Variants in RBMS1 observed in about 807,000 individuals in gnomAD.
RBMS1 encodes the protein RNA binding motif single stranded interacting protein 1.
RBMS1 carries 17 observed loss-of-function variants against 62.3 expected under a neutral mutation model. The ratio of observed to expected loss-of-function variants is 0.27; its 90% CI spans 0.19 to 0.41. The LOEUF (loss-of-function observed/expected upper bound fraction) is 0.41. Ranked by LOEUF, RBMS1 falls within the 10% of genes least tolerant of loss-of-function variation. RBMS1 has a pLI of 1.00. For missense variants in RBMS1, 334 were observed against 504.5 expected, an observed-to-expected ratio of 0.66 and a Z score of 3.24; for synonymous variants, 172 against 170.0, an observed-to-expected ratio of 1.01 and a Z score of -0.09.
rs138281686 is a variant in RBMS1 at position 160,395,612 on chromosome 2, A to C, written c.76-28221T>G. 5.4e-3 allele frequency among the ~76,000 whole-genome samples: 780 copies of C among 144,082 alleles called. 4 individuals are homozygous for C. The highest frequency in any genetic ancestry group is 0.014 in the Middle Eastern group (4 of 278). The allele number at this position is 144,082 out of a possible 152,430, so 94.5% of individuals were successfully genotyped here. A position where few individuals can be genotyped will look rare whatever the true frequency, so the allele number is the denominator to read the frequency against. On this transcript the variant is annotated intron_variant, in intron 1 of 13. Transcript: ENST00000348849. ...GCACTCCAGCCTGGGTGACACAGCG[A>C]GACTCCGTCTCAAAAAAAAAAAAAA...
chr2:160,396,327 TAGAG>T (rs1455883713), intron 1 of RBMS1, among the ~76,000 whole-genome samples: 2 of 152,208 alleles, frequency 1.3e-5, no homozygotes, highest in East Asian at 1.9e-4. Flanking sequence ...CAACAGTAGT[TAGAG>T]GGAGGTGTAA....
At chr2:160,278,458 T>C (rs188687883) in intron 11 of RBMS1, 90 bp downstream of exon 11, 70 of 1,032,202 alleles carry the variant, frequency 6.8e-5, no homozygotes, top group Non-Finnish European at 9.7e-5. Flanking sequence ...TCTGTTATCA[T>C]AGAGGCTGTC....
chr2:160,454,214 TTAAAC>T (rs1336198621), intron 1 of RBMS1, among the ~76,000 whole-genome samples: 4 of 152,236 alleles, frequency 2.6e-5, no homozygotes, highest in Non-Finnish European at 4.4e-5. Flanking sequence ...GGTAGACTGT[TTAAAC>T]TAGACATAGA....
At chr2:160,416,568 G>T (rs1696217157) in intron 1 of RBMS1, among the ~76,000 whole-genome samples, 3 of 152,082 alleles carry the variant, frequency 2.0e-5, no homozygotes, top group South Asian at 4.1e-4. Context: ...AAGGAGGCAG[G>T]ACAGGTATTC....
intron 1 of RBMS1, among the ~76,000 whole-genome samples, chr2:160,429,462 G>C (rs1481225112): frequency 1.3e-5 from 2 of 152,124 alleles, no homozygotes; most frequent in South Asian, 2.1e-4. Context: ...AATTCCCTTT[G>C]TATCAGTAAA....
intron 5 of RBMS1, chr2:160,302,684 T>G (rs1689273918): frequency 6.6e-6 from 1 of 151,834 alleles, no homozygotes; most frequent in Non-Finnish European, 1.5e-5. Flanking sequence ...AATTTTTGTA[T>G]TTTTAGTAGA....
At chr2:160,386,607 T>C (rs1339651980) in intron 1 of RBMS1, among the ~76,000 whole-genome samples, 1 of 150,156 alleles carries the variant, frequency 6.7e-6, no homozygotes, top group Non-Finnish European at 1.5e-5. Context: ...CCCTCATGAA[T>C]AGGATTACTG....
chr2:160,478,036 C>T (rs189580656), intron 1 of RBMS1, among the ~76,000 whole-genome samples: 92 of 152,344 alleles, frequency 6.0e-4, no homozygotes, highest in Non-Finnish European at 1.2e-3. Context: ...CTAGTCCTAG[C>T]GGGCCAATTG....
Position 160,281,269 on chromosome 2 carries a change from A to T in RBMS1, c.951+45T>A, listed in dbSNP as rs781190412. 6 of 1,506,048 alleles carry T rather than the reference A, an allele frequency of 4.0e-6. No homozygotes were observed. In the East Asian group the frequency reaches 1.4e-4, roughly 34 times the overall value. The allele number at this position is 1,506,048 out of a possible 1,614,324, so 93.3% of individuals were successfully genotyped here. A position where few individuals can be genotyped will look rare whatever the true frequency, so the allele number is the denominator to read the frequency against. ...GTTTTAACCTAGAGAGAATATACACATAACTTACTTGTAAAACACAAAGTC... is the reference window on the plus strand; with the variant it reads ...GTTTTAACCTAGAGAGAATATACACTTAACTTACTTGTAAAACACAAAGTC... On this transcript the variant is annotated intron_variant, in intron 10 of 13. Coordinates refer to ENST00000348849, the MANE Select transcript of RBMS1 (RefSeq NM_016836.4).
chr2:160,283,407 C>T (rs1688202085), intron 9 of RBMS1: 1 of 152,004 alleles, frequency 6.6e-6, no homozygotes, highest in Non-Finnish European at 1.5e-5. Flanking sequence ...ACTAAAGAGG[C>T]ATTAAATTAG....
At chr2:160,383,309 C>T (rs1411654712) in intron 1 of RBMS1, among the ~76,000 whole-genome samples, 1 of 152,086 alleles carries the variant, frequency 6.6e-6, no homozygotes, top group Admixed American at 6.6e-5. Flanking sequence ...CTTCTCTCTG[C>T]ATCCTATCCT....
chr2:160,287,164 T>C (rs1688443290), intron 6 of RBMS1, 80 bp from the exon 7 acceptor site: 3 of 1,567,706 alleles, frequency 1.9e-6, no homozygotes, highest in African/African-American at 1.4e-5. Context: ...AAAATAGGAA[T>C]AGTGTTCACG....
chr2:160,407,979 C>G (rs1476695971), intron 1 of RBMS1: 1 of 937,168 alleles, frequency 1.1e-6, no homozygotes, highest in Non-Finnish European at 1.3e-6. Flanking sequence ...CGCGCCTCCC[C>G]GCCCGCCCGC....
At chr2:160,289,655 A>C (rs1005582238) in intron 6 of RBMS1, among the ~76,000 whole-genome samples, 7 of 152,120 alleles carry the variant, frequency 4.6e-5, no homozygotes, top group African/African-American at 1.2e-4. Context: ...GAGTGTACCT[A>C]ATCTCATGAA....
chr2:160,485,490 AC>A (rs1685563697), intron 1 of RBMS1, among the ~76,000 whole-genome samples: 1 of 152,226 alleles, frequency 6.6e-6, no homozygotes, highest in Admixed American at 6.5e-5. Flanking sequence ...AAAGTGGGTT[AC>A]TTTTACAGAC....
chr2:160,458,991 C>T (rs1468587467), intron 1 of RBMS1, among the ~76,000 whole-genome samples: 1 of 152,154 alleles, frequency 6.6e-6, no homozygotes, highest in African/African-American at 2.4e-5. Context: ...AAGCAAAAAT[C>T]GCATGAGCTC....
At chr2:160,301,685 T>C (rs1280938865) in intron 5 of RBMS1, among the ~76,000 whole-genome samples, 2 of 152,230 alleles carry the variant, frequency 1.3e-5, no homozygotes, top group Non-Finnish European at 2.9e-5. Flanking sequence ...CATAGGATGT[T>C]TTAGTTTTAT....
chr2:160,335,632 T>C (rs1452137404), intron 2 of RBMS1, among the ~76,000 whole-genome samples: 3 of 152,216 alleles, frequency 2.0e-5, no homozygotes, highest in African/African-American at 4.8e-5. Flanking sequence ...TCTTGGCTAA[T>C]TGGACTTACA....
chr2:160,416,983 G>T (rs750820503), intron 1 of RBMS1, among the ~76,000 whole-genome samples: 15 of 152,162 alleles, frequency 9.9e-5, no homozygotes, highest in Non-Finnish European at 1.6e-4. Context: ...ACTTATAAAA[G>T]TGAGAGCTAA....
Sources: gnomAD v4.1 joint callset for allele counts (sites outside exome capture counted in the v4.1 genomes callset) on GRCh38, gnomAD v4.1.1 for gene constraint, MANE v1.5 for transcripts, NCBI Gene and HGNC (gene_info 2026-07-23, HGNC 2026-07-21) for gene names.